OTX2: variants seen among roughly 807,000 people sequenced by gnomAD.
OTX2 encodes homeobox protein OTX2.
In OTX2, 4 loss-of-function variants were observed where a neutral mutation model predicts 29.0. The ratio of observed to expected loss-of-function variants is 0.14; its 90% CI spans 0.07 to 0.32. OTX2 has a LOEUF of 0.32. OTX2 is among the 10% of genes least tolerant of loss of function. The pLI, the probability that OTX2 is intolerant of heterozygous loss-of-function variation, is 1.00. For synonymous variants in OTX2, 134 were observed against 141.0 expected, an observed-to-expected ratio of 0.95 and a Z score of 0.35; for missense variants, 298 against 365.9, an observed-to-expected ratio of 0.81 and a Z score of 1.51.
At chr14:56,803,373 GC>G (rs1325077206) in intron 4 of OTX2, among the ~76,000 whole-genome samples, 1 of 152,214 alleles carries the variant, frequency 6.6e-6, no homozygotes. Flanking sequence ...TTTGGTTCAA[GC>G]CTTGCAAGTG....
In OTX2 at chr14:56,804,463, C is replaced by T. The variant is rs996697191; in HGVS notation, c.98-100G>A. The T allele has an allele frequency of 1.7e-6, 2 of 1,191,100 alleles. No individual in the cohort carries two copies. Among genetic ancestry groups the T allele is most frequent in the Non-Finnish European group, 2.3e-6 (2 of 860,716 alleles). The allele number at this position is 1,191,100 out of a possible 1,614,324, so 73.8% of individuals were successfully genotyped here. A position where few individuals can be genotyped will look rare whatever the true frequency, so the allele number is the denominator to read the frequency against. ...CAGCAGTCCCCCGTTCCTCACAGCCCTTCAGCCGGGAGCCTACCAATGCTC... is the reference window on the plus strand; with the variant it reads ...CAGCAGTCCCCCGTTCCTCACAGCCTTTCAGCCGGGAGCCTACCAATGCTC... On this transcript the variant is annotated intron_variant, in intron 3 of 4. Coordinates refer to ENST00000672264, the MANE Select transcript of OTX2 (RefSeq NM_021728.4). This position sits in a 1 kb window ranked among gnomAD's most constrained non-coding sequence, Gnocchi z 4.1.
Sources: gnomAD v4.1 joint callset for allele counts (sites outside exome capture counted in the v4.1 genomes callset) on GRCh38, gnomAD v4.1.1 for gene constraint, Gnocchi (gnomAD v3.1) non-coding constraint, MANE v1.5 for transcripts, NCBI Gene and HGNC (gene_info 2026-07-23, HGNC 2026-07-21) for gene names.